Variants in BICC1 observed in about 807,000 individuals in gnomAD.
BICC1 encodes the protein protein bicaudal C homolog 1.
Under a neutral mutation model 111.0 loss-of-function variants are expected in BICC1, and 43 were observed. The observed-to-expected ratio is 0.39, with a 90% CI of 0.30 to 0.50. The LOEUF (loss-of-function observed/expected upper bound fraction) is 0.50, where lower values mean the gene tolerates loss of function less well. BICC1 is among the 20% of genes least tolerant of loss of function. BICC1 has a pLI of 0.88. For missense variants in BICC1, 1,091 were observed against 1,203.2 expected (o/e 0.91, Z 1.38); for synonymous variants, 467 against 434.4 (o/e 1.07, Z -0.93).
At chr10:58,572,701 C>T (rs1240813730) in intron 1 of BICC1, among the ~76,000 whole-genome samples, 1 of 151,976 alleles carries the variant, frequency 6.6e-6, no homozygotes, top group East Asian at 1.9e-4. Context: ...AGATATATAG[C>T]ACATATCTAT....
intron 1 of BICC1, among the ~76,000 whole-genome samples, chr10:58,516,609 T>C (rs11006170): frequency 0.54 from 81,931 of 151,852 alleles, 23,163 homozygotes; most frequent in African/African-American, 0.71. Context: ...GTTTTATAAA[T>C]GGAAATTTAT....
chr10:58,763,054 T>C (rs9415582), intron 3 of BICC1, among the ~76,000 whole-genome samples: 19,589 of 135,404 alleles, frequency 0.14, 1,712 homozygotes, highest in Non-Finnish European at 0.22. Flanking sequence ...GGGGGAAATA[T>C]AGGAAAAAAA....
At chr10:58,780,268 A>G (rs1031576013) in intron 3 of BICC1, among the ~76,000 whole-genome samples, 6 of 152,198 alleles carry the variant, frequency 3.9e-5, no homozygotes, top group Non-Finnish European at 2.9e-5. Context: ...GCCATTTATA[A>G]TATATGGAAA....
chr10:58,595,016 TG>T (rs1425148360), intron 1 of BICC1, among the ~76,000 whole-genome samples: 1 of 151,970 alleles, frequency 6.6e-6, no homozygotes, highest in Non-Finnish European at 1.5e-5. Context: ...AATAAAGGGA[TG>T]GGGGAATATT....
intron 3 of BICC1, among the ~76,000 whole-genome samples, chr10:58,754,115 T>C (rs545211031): frequency 6.6e-6 from 1 of 152,308 alleles, no homozygotes; most frequent in South Asian, 2.1e-4. Flanking sequence ...TTTTGGCCAC[T>C]ACAGAAATTT....
In BICC1 at chr10:58,803,255, A is replaced by T; in HGVS notation, c.2181+13A>T. The T allele has an allele frequency of 6.4e-7, 1 of 1,571,160 alleles. No homozygotes were observed. Among genetic ancestry groups the T allele is most frequent in the Non-Finnish European group, 8.7e-7 (1 of 1,155,602 alleles). On this transcript the variant is annotated intron_variant, in intron 15 of 20. Transcript: ENST00000373886. Reference sequence around the variant, plus strand: ...TGTCAACATGCAGGTAATGGTAATAAAATAGGAAAGCCACTCAAATGTCAT... The same window carrying T: ...TGTCAACATGCAGGTAATGGTAATATAATAGGAAAGCCACTCAAATGTCAT...
At chr10:58,641,431 G>A (rs536340013) in intron 2 of BICC1, among the ~76,000 whole-genome samples, 1 of 151,654 alleles carries the variant, frequency 6.6e-6, no homozygotes, top group Admixed American at 6.6e-5. Flanking sequence ...GTTAGGAGAT[G>A]ATTTGGCGCC....
At chr10:58,717,806 C>T (rs1274040043) in intron 3 of BICC1, among the ~76,000 whole-genome samples, 1 of 151,992 alleles carries the variant, frequency 6.6e-6, no homozygotes, top group Non-Finnish European at 1.5e-5. Context: ...TTAGGATTGT[C>T]ACCTTGTCCT....
At chr10:58,754,828 G>C (rs1286877546) in intron 3 of BICC1, among the ~76,000 whole-genome samples, 1 of 151,988 alleles carries the variant, frequency 6.6e-6, no homozygotes, top group Admixed American at 6.6e-5. Context: ...GAAATGGTTT[G>C]AGAAGACAGA....
chr10:58,798,575 A>G lies in BICC1; in HGVS notation c.1528+15A>G. On this transcript the variant is annotated intron_variant, in intron 11 of 20. Transcript: ENST00000373886. ...AAGTGCCACAGGTCAGTATCATTTA[A>G]GTATATTCCAAGTTGTGTATTCTTA... 2 of 1,566,932 alleles carry G rather than the reference A, an allele frequency of 1.3e-6. No individual in the cohort carries two copies. Among genetic ancestry groups the G allele is most frequent in the South Asian group, 2.4e-5 (2 of 82,756 alleles).
At chr10:58,619,673 C>G (rs1845734989) in intron 1 of BICC1, among the ~76,000 whole-genome samples, 1 of 152,064 alleles carries the variant, frequency 6.6e-6, no homozygotes, top group African/African-American at 2.4e-5. Flanking sequence ...CAGGGTTTCA[C>G]TATGTTTGCC....
chr10:58,701,947 C>G lies in BICC1; in HGVS notation c.238-127C>G, dbSNP rs536852373. 8 of 585,804 alleles carry G rather than the reference C, an allele frequency of 1.4e-5. No homozygotes were observed. The African/African-American group carries it at 1.6e-4, about 11-fold the overall frequency. 36.3% of individuals were successfully genotyped at this position (585,804 alleles called of 1,614,324 possible). On this transcript the variant is annotated intron_variant, in intron 2 of 20. Coordinates refer to ENST00000373886, the MANE Select transcript of BICC1 (RefSeq NM_001080512.3). ...GTTTTTTTTTTCTTTGCATTGTTTT[C>G]AAATGAGATCATTTTGTATGAACAT... is the stretch of plus-strand genomic sequence containing the variant.
chr10:58,825,799 G>A (rs900861855), intron 20 of BICC1, among the ~76,000 whole-genome samples: 3 of 152,040 alleles, frequency 2.0e-5, no homozygotes, highest in Non-Finnish European at 4.4e-5. Flanking sequence ...ATTTTTCATT[G>A]TGTTTAGTAC....
intron 2 of BICC1, among the ~76,000 whole-genome samples, chr10:58,657,397 A>G (rs1482860623): frequency 6.6e-6 from 1 of 152,082 alleles, no homozygotes; most frequent in Non-Finnish European, 1.5e-5. Flanking sequence ...TATGTTCCTG[A>G]GGAACGTGCA....
At chr10:58,567,750 T>A (rs1160818141) in intron 1 of BICC1, among the ~76,000 whole-genome samples, 2 of 152,030 alleles carry the variant, frequency 1.3e-5, no homozygotes, top group South Asian at 4.1e-4. Context: ...AGATTACTTA[T>A]AATATAGCAT....
rs1842386792 is a variant in BICC1, at chr10:58,521,523, T to C, written c.190+8190T>C. 2.0e-5 allele frequency among the ~76,000 whole-genome samples: 3 copies of C among 152,180 alleles called. No individual in the cohort carries two copies. The South Asian group carries it at 6.2e-4, about 32-fold the overall frequency. On this transcript the variant is annotated intron_variant, in intron 1 of 20. Coordinates refer to ENST00000373886, the MANE Select transcript of BICC1 (RefSeq NM_001080512.3). The stretch of plus-strand genomic sequence containing the variant: ...GTTCCTGATCAATTTTGCAAAATTA[T>C]TTTCTGGGAAGTTTTGCAGGTTAGG...
chr10:58,558,085 GT>G (rs1315183414), intron 1 of BICC1, among the ~76,000 whole-genome samples: 1 of 152,114 alleles, frequency 6.6e-6, no homozygotes, highest in African/African-American at 2.4e-5. Flanking sequence ...AGCCTTCTAA[GT>G]TTTCTACCTG....
intron 1 of BICC1, among the ~76,000 whole-genome samples, chr10:58,597,598 C>T (rs1185905080): frequency 6.6e-6 from 1 of 152,072 alleles, no homozygotes; most frequent in Non-Finnish European, 1.5e-5. Flanking sequence ...CCTAGTAAGC[C>T]TGAGGGTACT....
intron 3 of BICC1, among the ~76,000 whole-genome samples, chr10:58,729,340 T>A (rs1271549972): frequency 1.3e-5 from 2 of 152,252 alleles, no homozygotes; most frequent in African/African-American, 2.4e-5. Flanking sequence ...ATTATGGAGA[T>A]GGCATCTTTT....
Sources: gnomAD v4.1 joint callset for allele counts (sites outside exome capture counted in the v4.1 genomes callset) on GRCh38, gnomAD v4.1.1 for gene constraint, MANE v1.5 for transcripts, NCBI Gene and HGNC (gene_info 2026-07-23, HGNC 2026-07-21) for gene names.